Variants in ANKFY1 observed in about 807,000 individuals in gnomAD.
ANKFY1 encodes ankyrin repeat and FYVE domain containing 1.
A neutral mutation model predicts 128.3 loss-of-function variants in ANKFY1; 47 were observed. The ratio of observed to expected loss-of-function variants is 0.37; its 90% CI spans 0.29 to 0.47. ANKFY1 has a LOEUF of 0.47. Ranked by LOEUF, ANKFY1 falls within the 20% of genes least tolerant of loss-of-function variation. The pLI, the probability that ANKFY1 is intolerant of heterozygous loss-of-function variation, is 1.00. For synonymous variants in ANKFY1, 553 were observed against 601.6 expected (o/e 0.92, Z 1.18); for missense variants, 1,222 against 1,510.6 (o/e 0.81, Z 3.17).
At chr17:4,235,934 T>G (rs748267436) in intron 2 of ANKFY1, 44 bp from the exon 3 acceptor site, 4 of 1,381,308 alleles carry the variant, frequency 2.9e-6, no homozygotes, top group Non-Finnish European at 3.1e-6. Context: ...AATGTCATCA[T>G]AACTAGGTAT....
In ANKFY1 at chr17:4,170,967, A is replaced by C. The variant is rs897030; in HGVS notation, c.3140-106T>G. ...AGGGCAGAACAGACCGCTGGCAGGA[A>C]ATCTGTTCACAAAGTCCCCACAGAC... On this transcript the variant is annotated intron_variant, in intron 22 of 24. Coordinates refer to ENST00000341657, the MANE Select transcript of ANKFY1 (RefSeq NM_001330063.2). 1,521,141 of 1,522,498 alleles carry C rather than the reference A, an allele frequency of 1. 759,905 individuals are homozygous for C. Among genetic ancestry groups the C allele is most frequent in the East Asian group, 1 (43,294 of 43,294 alleles). The allele number at this position is 1,522,498 out of a possible 1,614,324, so 94.3% of individuals were successfully genotyped here.
At chr17:4,243,803 T>C (rs2143406475) in intron 1 of ANKFY1, among the ~76,000 whole-genome samples, 1 of 152,324 alleles carries the variant, frequency 6.6e-6, no homozygotes, top group African/African-American at 2.4e-5. Flanking sequence ...AGAACCACCG[T>C]ATTTGATTAA....
At chr17:4,222,369 C>T in intron 3 of ANKFY1, 2 of 780,680 alleles carry the variant, frequency 2.6e-6, no homozygotes, top group Non-Finnish European at 4.8e-6. Flanking sequence ...ACGCTCTGTC[C>T]TTTAATCTGT....
chr17:4,259,043 C>T lies in ANKFY1; in HGVS notation c.10+4889G>A, dbSNP rs758275775. On this transcript the variant is annotated intron_variant, in intron 1 of 24. Transcript: ENST00000341657. ...TGCACCAGGGTGAAAGCATCAGGCGCTGTGGGAAAAGCATCAGTCGCTGTG... is the reference window on the plus strand; with the variant it reads ...TGCACCAGGGTGAAAGCATCAGGCGTTGTGGGAAAAGCATCAGTCGCTGTG... Among the ~76,000 whole-genome samples, 5 of 152,168 alleles carry T rather than the reference C, an allele frequency of 3.3e-5. No individual in the cohort carries two copies. In the South Asian group the frequency reaches 1.0e-3, roughly 31 times the overall value.
chr17:4,213,173 T>G (rs1458582176), intron 4 of ANKFY1, among the ~76,000 whole-genome samples: 1 of 152,012 alleles, frequency 6.6e-6, no homozygotes, highest in Non-Finnish European at 1.5e-5. Flanking sequence ...GGCACCTGCT[T>G]TACACTAAGA....
Position 4,172,566 on chromosome 17 carries a change from G to A in ANKFY1, c.3129C>T (p.Asp1043=), listed in dbSNP as rs376122707. The A allele has an allele frequency of 3.6e-4, 574 of 1,613,634 alleles. 1 individual carries two copies. Among genetic ancestry groups the A allele is most frequent in the Non-Finnish European group, 4.7e-4 (550 of 1,179,822 alleles). The part of the protein sequence containing the change: ...PGYPLDKPDA[D]GSTVLLLAYM... ...GCCCTTGGTACACACCCGTGCTGCC[G>A]TCTGCATCCGGCTTGTCCAGAGGAT... The change falls in exon 22 of 25, where the codon GAC becomes GAT. Residue 1043 remains aspartate, a synonymous_variant. Coordinates refer to ENST00000341657, the MANE Select transcript of ANKFY1 (RefSeq NM_001330063.2).
At chr17:4,176,377 C>T (rs1490503210) in intron 19 of ANKFY1, among the ~76,000 whole-genome samples, 1 of 152,202 alleles carries the variant, frequency 6.6e-6, no homozygotes, top group African/African-American at 2.4e-5. Context: ...CTCTGAGGAG[C>T]AGAGACCAGA....
intron 18 of ANKFY1, 80 bp from the exon 19 acceptor site, chr17:4,177,382 C>T: frequency 7.6e-7 from 1 of 1,324,478 alleles, no homozygotes; most frequent in Non-Finnish European, 1.0e-6. Context: ...CTGAACTGAC[C>T]ACTGGAGAGG....
At chr17:4,251,548 AAC>A (rs1163278065) in intron 1 of ANKFY1, among the ~76,000 whole-genome samples, 13 of 151,400 alleles carry the variant, frequency 8.6e-5, no homozygotes, top group African/African-American at 2.9e-4. Flanking sequence ...AAAAAAAAAA[AAC>A]AAAAACTACA....
intron 3 of ANKFY1, among the ~76,000 whole-genome samples, chr17:4,218,845 C>T (rs2060263082): frequency 1.3e-5 from 2 of 152,074 alleles, no homozygotes; most frequent in Non-Finnish European, 2.9e-5. Context: ...CCACTGCACT[C>T]CAGCATGGGT....
At position 4,226,755 on chromosome 17, in the gene ANKFY1, AAAG is replaced by A. The variant is rs1397115419; in HGVS notation, c.322+9014_322+9016del. Among the ~76,000 whole-genome samples, 8 of 150,872 alleles carry A rather than the reference AAAG, an allele frequency of 5.3e-5. No homozygotes were observed. In the East Asian group the frequency reaches 5.8e-4, roughly 11 times the overall value. On this transcript the variant is annotated intron_variant, in intron 3 of 24. Coordinates refer to ENST00000341657, the MANE Select transcript of ANKFY1 (RefSeq NM_001330063.2). ...GAGACTCCATCTCAAAAAAAAAAAA[AAAG>A]AAATCAATAAAATAGAAAACAACCA... is the stretch of plus-strand genomic sequence containing the variant.
chr17:4,220,909 G>A (rs563052843), intron 3 of ANKFY1, among the ~76,000 whole-genome samples: 67 of 152,236 alleles, frequency 4.4e-4, no homozygotes, highest in Non-Finnish European at 8.4e-4. Flanking sequence ...AGAGAAAGCA[G>A]TTGGCCTCCG....
chr17:4,197,273 C>T, intron 8 of ANKFY1, 100 bp downstream of exon 8: 1 of 1,275,816 alleles, frequency 7.8e-7, no homozygotes, highest in Non-Finnish European at 1.1e-6. Flanking sequence ...TGAATAATGC[C>T]AAACTAAAGA....
rs140637392 is a variant in ANKFY1, at chr17:4,168,180, T to C, written c.3378-269A>G. 2.6e-3 allele frequency: 694 copies of C among 269,598 alleles called. 13 individuals carry two copies. The highest frequency in any genetic ancestry group is 0.024 in the Admixed American group (490 of 20,038). 16.7% of individuals were successfully genotyped at this position (269,598 alleles called of 1,614,324 possible). A position where few individuals can be genotyped will look rare whatever the true frequency, so the allele number is the denominator to read the frequency against. On this transcript the variant is annotated intron_variant, in intron 24 of 24. Coordinates refer to ENST00000341657, the MANE Select transcript of ANKFY1 (RefSeq NM_001330063.2). ...GATCAAGAGCAGCTCAGGCCAGGCA[T>C]GGTGGCTCACGCCTGTAATCCCAGC...
chr17:4,179,776 C>T lies in ANKFY1; in HGVS notation c.2342G>A (p.Gly781Glu). 1 of 1,614,252 alleles carries T rather than the reference C, an allele frequency of 6.2e-7. No homozygotes were observed. Among genetic ancestry groups the T allele is most frequent in the Non-Finnish European group, 8.5e-7 (1 of 1,180,054 alleles). The change falls in exon 17 of 25, where the codon GGG becomes GAG. Residue 781 changes from glycine (G) to glutamate (E), a missense_variant. Physicochemically the swap from Gly to Glu is moderately conservative, Grantham distance 98. Coordinates refer to ENST00000341657, the MANE Select transcript of ANKFY1 (RefSeq NM_001330063.2). ...AAGACACTGTACTGTCTCTTCCAGC[C>T]CCCAAGAGGCTGCCAAATGCAAAGG... ...QTPLHLAASW[G>E]LEETVQCLLE...
intron 17 of ANKFY1, 92 bp from the exon 18 acceptor site, chr17:4,179,149 T>C (rs1484169364): frequency 7.2e-7 from 1 of 1,394,602 alleles, no homozygotes; most frequent in African/African-American, 1.4e-5. Context: ...AAATTTCAGT[T>C]ATGAGAATCG....
At chr17:4,203,265 C>A (rs902997732) in intron 7 of ANKFY1, among the ~76,000 whole-genome samples, 2 of 152,114 alleles carry the variant, frequency 1.3e-5, no homozygotes, top group African/African-American at 4.8e-5. Flanking sequence ...TCAGTTACTT[C>A]ATCACCTCAT....
intron 1 of ANKFY1, among the ~76,000 whole-genome samples, chr17:4,248,395 A>G (rs1967670268): frequency 6.6e-6 from 1 of 152,254 alleles, no homozygotes. Flanking sequence ...GAGGTGGAAC[A>G]GTTTCATCCT....
intron 2 of ANKFY1, among the ~76,000 whole-genome samples, chr17:4,239,616 G>C (rs779180473): frequency 6.6e-6 from 1 of 151,958 alleles, no homozygotes; most frequent in Non-Finnish European, 1.5e-5. Context: ...TCAGCTCACT[G>C]CAACCTCCAC....
Sources: gnomAD v4.1 joint callset for allele counts (sites outside exome capture counted in the v4.1 genomes callset) on GRCh38, gnomAD v4.1.1 for gene constraint, MANE v1.5 for transcripts, NCBI Gene and HGNC (gene_info 2026-07-23, HGNC 2026-07-21) for gene names.